The following PLPP3 variants were observed in gnomAD, a reference collection of about 807,000 sequenced individuals.
The protein encoded by PLPP3 is PAP2 beta.
Under a neutral mutation model 29.6 loss-of-function variants are expected in PLPP3, and 6 were observed. The observed-to-expected ratio is 0.20, with a 90% CI of 0.11 to 0.40. PLPP3 has a LOEUF of 0.40. Among genes scored for constraint, PLPP3 ranks in the 10% least tolerant of loss-of-function variants. The pLI, the probability that PLPP3 is intolerant of heterozygous loss-of-function variation, is 1.00. For missense variants in PLPP3, 308 were observed against 407.7 expected, an observed-to-expected ratio of 0.76 and a Z score of 2.11; for synonymous variants, 152 against 159.7, an observed-to-expected ratio of 0.95 and a Z score of 0.36.
intron 4 of PLPP3, among the ~76,000 whole-genome samples, chr1:56,522,867 C>G (rs148259615): frequency 1.3e-5 from 2 of 152,160 alleles, no homozygotes; most frequent in Admixed American, 6.5e-5. Context: ...TTGGCACACA[C>G]GGACCTCATT....
intron 5 of PLPP3, 125 bp downstream of exon 5, chr1:56,511,851 G>T: frequency 8.7e-7 from 1 of 1,149,004 alleles, no homozygotes; most frequent in Non-Finnish European, 1.3e-6. Context: ...AAGGCCAGGT[G>T]ACTCTTCAGA....
chr1:56,531,197 T>G (rs1645885868), intron 2 of PLPP3, among the ~76,000 whole-genome samples: 1 of 152,194 alleles, frequency 6.6e-6, no homozygotes, highest in African/African-American at 2.4e-5. Flanking sequence ...CCCATAGCAC[T>G]TTATTTAGAC....
intron 4 of PLPP3, among the ~76,000 whole-genome samples, chr1:56,520,210 T>TG (rs2100243716): frequency 6.6e-6 from 1 of 152,294 alleles, no homozygotes; most frequent in African/African-American, 2.4e-5. Flanking sequence ...ACTTTCCAGA[T>TG]GAGTATGCTG....
intron 4 of PLPP3, among the ~76,000 whole-genome samples, chr1:56,522,059 A>G (rs970377399): frequency 2.6e-5 from 4 of 152,200 alleles, no homozygotes; most frequent in African/African-American, 9.6e-5. Flanking sequence ...AGCACAGTAC[A>G]ATGAAAAGAA....
chr1:56,557,043 AGAGAGAG>A (rs1557513762), intron 1 of PLPP3, among the ~76,000 whole-genome samples: 1 of 52,238 alleles, frequency 1.9e-5, no homozygotes, highest in Non-Finnish European at 5.0e-5. Flanking sequence ...AGAGAGAGAG[AGAGAGAG>A]AGAGAGAGAA....
At chr1:56,572,547 C>T (rs1474389155) in intron 1 of PLPP3, among the ~76,000 whole-genome samples, 1 of 152,176 alleles carries the variant, frequency 6.6e-6, no homozygotes, top group East Asian at 1.9e-4. Context: ...ATTGAGGTTC[C>T]TGCACTTTGA....
At chr1:56,564,260 A>G (rs1646147621) in intron 1 of PLPP3, among the ~76,000 whole-genome samples, 1 of 152,134 alleles carries the variant, frequency 6.6e-6, no homozygotes, top group African/African-American at 2.4e-5. Flanking sequence ...TGATTTGATG[A>G]GATTCGTGGA....
chr1:56,557,263 A>C (rs1193168816), intron 1 of PLPP3, among the ~76,000 whole-genome samples: 2 of 151,496 alleles, frequency 1.3e-5, no homozygotes, highest in Non-Finnish European at 2.9e-5. Flanking sequence ...CTGTAACCCC[A>C]GCTACTCGGG....
At chr1:56,536,916 G>A in intron 2 of PLPP3, 39 bp downstream of exon 2, 1 of 1,607,402 alleles carries the variant, frequency 6.2e-7, no homozygotes, top group African/African-American at 1.3e-5. Context: ...ACAGGAAGAA[G>A]TCAGACAGGA....
Position 56,496,442 on chromosome 1 carries a change from G to T in PLPP3, c.*109C>A. The T allele has an allele frequency of 2.2e-6, 3 of 1,343,542 alleles. No individual in the cohort carries two copies. Among genetic ancestry groups the T allele is most frequent in the Non-Finnish European group, 3.0e-6 (3 of 984,394 alleles). 83.2% of individuals were successfully genotyped at this position (1,343,542 alleles called of 1,614,324 possible). A position where few individuals can be genotyped will look rare whatever the true frequency, so the allele number is the denominator to read the frequency against. ...TTTTTTTTTTCCTTTTTAAAAATCA[G>T]TCGGGCAAAAGTTTTTCCCTACATT... On this transcript the variant is annotated 3_prime_UTR_variant, in exon 6 of 6. Transcript: ENST00000371250.
chr1:56,542,396 T>C (rs920277981), intron 1 of PLPP3, among the ~76,000 whole-genome samples: 1 of 152,172 alleles, frequency 6.6e-6, no homozygotes, highest in African/African-American at 2.4e-5. Flanking sequence ...TCTCACAAAG[T>C]GCTTTTTAGA....
intron 1 of PLPP3, among the ~76,000 whole-genome samples, chr1:56,576,211 C>T (rs1486824872): frequency 1.3e-5 from 2 of 152,004 alleles, no homozygotes; most frequent in Non-Finnish European, 2.9e-5. Context: ...TTTCCAGATA[C>T]TAGATGAAGT....
chr1:56,536,656 T>C (rs1645929267), intron 2 of PLPP3, among the ~76,000 whole-genome samples: 1 of 152,176 alleles, frequency 6.6e-6, no homozygotes, highest in Non-Finnish European at 1.5e-5. Context: ...CTTCCTGAAC[T>C]GTAAGTCTGC....
intron 1 of PLPP3, among the ~76,000 whole-genome samples, chr1:56,558,889 C>G (rs917736390): frequency 6.6e-6 from 1 of 152,312 alleles, no homozygotes; most frequent in South Asian, 2.1e-4. Context: ...TACCTTGTGA[C>G]AGGGTTAATT....
intron 5 of PLPP3, among the ~76,000 whole-genome samples, chr1:56,508,998 C>T (rs1395913483): frequency 6.6e-6 from 1 of 152,182 alleles, no homozygotes. Flanking sequence ...TTCTCAGTAG[C>T]CACAGCTTCC....
At chr1:56,507,638 A>G (rs1417339156) in intron 5 of PLPP3, among the ~76,000 whole-genome samples, 2 of 152,190 alleles carry the variant, frequency 1.3e-5, no homozygotes. Context: ...AAGTTGTGGA[A>G]AGCTGAACAA....
Position 56,495,276 on chromosome 1 carries a change from T to A in PLPP3, c.*1275A>T, listed in dbSNP as rs1364695720. 6.6e-6 allele frequency: 1 copy of A among 152,590 alleles called. No individual in the cohort carries two copies. Among genetic ancestry groups the A allele is most frequent in the Admixed American group, 6.5e-5 (1 of 15,270 alleles). The allele number at this position is 152,590 out of a possible 1,614,324, so 9.5% of individuals were successfully genotyped here. ...GGTCTGCATCCAAGATCTAAACGCA[T>A]TTCTTCCTTCCTCCTTTCCTCAAAG... is the stretch of plus-strand genomic sequence containing the variant. On this transcript the variant is annotated 3_prime_UTR_variant, in exon 6 of 6. Transcript: ENST00000371250.
chr1:56,536,991 C>T lies in PLPP3; in HGVS notation c.261G>A (p.Val87=), dbSNP rs1437873839. The change falls in exon 2 of 6, where the codon GTG becomes GTA. Residue 87 remains valine, a synonymous_variant. Transcript: ENST00000371250. ...LKTGETINDA[V]LCAVGIVIAI... ...CAATGACGATCCCCACGGCACAGAGCACAGCGTCATTTATTGTCTCACCAG... is the reference window on the plus strand; with the variant it reads ...CAATGACGATCCCCACGGCACAGAGTACAGCGTCATTTATTGTCTCACCAG... The T allele has an allele frequency of 1.9e-6, 3 of 1,613,650 alleles. No individual in the cohort carries two copies. The highest frequency in any genetic ancestry group is 2.5e-6 in the Non-Finnish European group (3 of 1,179,828).
At chr1:56,512,310 G>T in intron 4 of PLPP3, 158 bp from the exon 5 acceptor site, 1 of 677,762 alleles carries the variant, frequency 1.5e-6, no homozygotes, top group Non-Finnish European at 2.3e-6. Flanking sequence ...CCTCAAGCCA[G>T]TTATTTAAAT....
Sources: gnomAD v4.1 joint callset for allele counts (sites outside exome capture counted in the v4.1 genomes callset) on GRCh38, gnomAD v4.1.1 for gene constraint, MANE v1.5 for transcripts, NCBI Gene and HGNC (gene_info 2026-07-23, HGNC 2026-07-21) for gene names.